The following RBM19 variants were observed in gnomAD, a reference collection of about 807,000 sequenced individuals.
The protein encoded by RBM19 is RNA binding motif protein 19.
Under a neutral mutation model 116.8 loss-of-function variants are expected in RBM19, and 94 were observed. That is an observed-to-expected ratio of 0.80 (90% CI 0.68 to 0.95). RBM19 has a LOEUF of 0.95. Among genes scored for constraint, RBM19 ranks in the 40% least tolerant of loss-of-function variants. The pLI, the probability that RBM19 is intolerant of heterozygous loss-of-function variation, is 0.00. For synonymous variants in RBM19, 475 were observed against 494.1 expected (o/e 0.96, Z 0.51); for missense variants, 1,161 against 1,220.7 (o/e 0.95, Z 0.73).
intron 21 of RBM19, among the ~76,000 whole-genome samples, chr12:113,872,849 C>T (rs1593515233): frequency 6.5e-5 from 7 of 106,942 alleles, no homozygotes; most frequent in African/African-American, 1.0e-4. Flanking sequence ...CCCCTCTGCC[C>T]GGCCAGCCGC....
intron 18 of RBM19, among the ~76,000 whole-genome samples, chr12:113,921,144 C>T (rs1471484500): frequency 6.6e-6 from 1 of 152,190 alleles, no homozygotes; most frequent in African/African-American, 2.4e-5. Context: ...ATTCAGTTTC[C>T]TGGGTTTCAG....
Position 113,927,239 on chromosome 12 carries a change from C to T in RBM19, c.2069-10G>A. The T allele has an allele frequency of 6.5e-7, 1 of 1,544,482 alleles. No individual in the cohort carries two copies. The highest frequency in any genetic ancestry group is 8.7e-7 in the Non-Finnish European group (1 of 1,145,566). On this transcript the variant is annotated splice_polypyrimidine_tract_variant and intron_variant, in intron 16 of 23. Transcript: ENST00000261741. ...GTTTCGCCATCAGGCACTGAACCCC[C>T]ATCAAAACAAAAACAAAAACAAAAA...
At position 113,963,826 on chromosome 12, in the gene RBM19, C is replaced by T. The variant is rs138914474; in HGVS notation, c.37-1412G>A. Among the ~76,000 whole-genome samples, 916 of 152,362 alleles carry T rather than the reference C, an allele frequency of 6.0e-3. 2 individuals are homozygous for T. Among genetic ancestry groups the T allele is most frequent in the Non-Finnish European group, 0.01 (709 of 68,038 alleles). On this transcript the variant is annotated intron_variant, in intron 1 of 23. Coordinates refer to ENST00000261741, the MANE Select transcript of RBM19 (RefSeq NM_016196.4). ...CCTGACCAACCTCTTCAGCACCACG[C>T]TTTGACAAATTTCTCACAGCCTTCT...
chr12:113,837,105 A>C (rs997605728), intron 23 of RBM19, among the ~76,000 whole-genome samples: 3 of 149,506 alleles, frequency 2.0e-5, no homozygotes, highest in African/African-American at 7.6e-5. Flanking sequence ...ATACATACAT[A>C]CATACACACA....
intron 20 of RBM19, 127 bp downstream of exon 20, chr12:113,918,265 G>A (rs1463500316): frequency 1.9e-5 from 17 of 909,214 alleles, no homozygotes; most frequent in Non-Finnish European, 2.8e-5. Flanking sequence ...ATTAGGAAGA[G>A]TCCTAAATGG....
intron 10 of RBM19, 83 bp downstream of exon 10, chr12:113,948,750 G>A: frequency 7.1e-7 from 1 of 1,404,882 alleles, no homozygotes; most frequent in Admixed American, 1.9e-5. Flanking sequence ...TGTGCACACT[G>A]GGACTTGAAC....
chr12:113,871,827 C>G (rs1466279488), intron 21 of RBM19, among the ~76,000 whole-genome samples: 11 of 152,106 alleles, frequency 7.2e-5, no homozygotes, highest in Non-Finnish European at 1.5e-4. Flanking sequence ...CGCCGGCGAG[C>G]GCCGCCCGGG....
rs149325690 is a variant in RBM19 at position 113,918,457 on chromosome 12, A to C, written c.2386-10T>G. On this transcript the variant is annotated splice_polypyrimidine_tract_variant and intron_variant, in intron 19 of 23. Coordinates refer to ENST00000261741, the MANE Select transcript of RBM19 (RefSeq NM_016196.4). ...CGTCCACGACGTGACCCTAAGAGAG[A>C]AGACAACATGGCTCATCTCTCTGTC... 102 of 1,613,926 alleles carry C rather than the reference A, an allele frequency of 6.3e-5. No individual in the cohort carries two copies. The highest frequency in any genetic ancestry group is 8.6e-5 in the Non-Finnish European group (101 of 1,179,890).
rs1365948756 is a variant in RBM19 at position 113,948,842 on chromosome 12, A to G, written c.1267T>C (p.Ser423Pro). ...STEEDLEKLFSKYGPLSELHY... is the reference protein window; with the variant it reads ...STEEDLEKLFPKYGPLSELHY... ...GAGGCCACACCCCTACCATATTTGG[A>G]GAAGAGCTTCTCCAGATCCTCCTCG... The change falls in exon 10 of 24, where the codon TCC becomes CCC. Residue 423 changes from serine to proline, a missense_variant. Coordinates refer to ENST00000261741, the MANE Select transcript of RBM19 (RefSeq NM_016196.4). 1 of 1,614,036 alleles carries G rather than the reference A, an allele frequency of 6.2e-7. No individual in the cohort carries two copies. The highest frequency in any genetic ancestry group is 8.5e-7 in the Non-Finnish European group (1 of 1,180,030).
intron 23 of RBM19, among the ~76,000 whole-genome samples, chr12:113,837,911 G>C (rs931125557): frequency 6.6e-6 from 1 of 152,166 alleles, no homozygotes; most frequent in African/African-American, 2.4e-5. Flanking sequence ...CATTAGCCTT[G>C]GATGTAAACA....
In RBM19 at chr12:113,910,384, T is replaced by C. The variant is rs762668474; in HGVS notation, c.2558+4585A>G. On this transcript the variant is annotated intron_variant, in intron 21 of 23. Coordinates refer to ENST00000261741, the MANE Select transcript of RBM19 (RefSeq NM_016196.4). ...ACTGGTTCACAGGCAGAACTGGCTATATAGTTGGCAGGGCCTGGCGCAAAA... is the reference window on the plus strand; with the variant it reads ...ACTGGTTCACAGGCAGAACTGGCTACATAGTTGGCAGGGCCTGGCGCAAAA... Among the ~76,000 whole-genome samples the C allele has an allele frequency of 6.6e-5, 10 of 152,210 alleles. No individual in the cohort carries two copies. In the South Asian group the frequency reaches 8.3e-4, roughly 13 times the overall value.
At chr12:113,869,516 C>T (rs1879064655) in intron 21 of RBM19, among the ~76,000 whole-genome samples, 1 of 152,194 alleles carries the variant, frequency 6.6e-6, no homozygotes, top group Non-Finnish European at 1.5e-5. Context: ...ATGCTCTCCC[C>T]CACTTTCTCC....
At chr12:113,875,834 T>C (rs779167550) in intron 21 of RBM19, among the ~76,000 whole-genome samples, 3 of 152,208 alleles carry the variant, frequency 2.0e-5, no homozygotes, top group Non-Finnish European at 4.4e-5. Flanking sequence ...GCCCAGGATG[T>C]GCTTCATCTC....
intron 4 of RBM19, 22 bp from the exon 5 acceptor site, chr12:113,959,426 C>T (rs186114773): frequency 9.2e-5 from 146 of 1,590,548 alleles, no homozygotes; most frequent in Non-Finnish European, 1.1e-4. Context: ...AGAACCCGGG[C>T]GGCAGGGACA....
At position 113,955,170 on chromosome 12, in the gene RBM19, G is replaced by A. The variant is rs1279545044; in HGVS notation, c.882C>T (p.His294=). Residue 294 remains histidine, a synonymous_variant, in exon 7 of 24, where the codon CAC becomes CAT. Coordinates refer to ENST00000261741, the MANE Select transcript of RBM19 (RefSeq NM_016196.4). The part of the protein sequence containing the change: ...PANQKEPTTC[H]TVKLRGAPFN... ...ACGGGGCTCCCCGCAGCTTCACGGTGTGGCAGGTGGTGGGTTCCTTCTGGT... is the reference window on the plus strand; with the variant it reads ...ACGGGGCTCCCCGCAGCTTCACGGTATGGCAGGTGGTGGGTTCCTTCTGGT... 2 of 1,614,198 alleles carry A rather than the reference G, an allele frequency of 1.2e-6. No individual in the cohort carries two copies. Among genetic ancestry groups the A allele is most frequent in the African/African-American group, 1.3e-5 (1 of 75,064 alleles).
At chr12:113,828,183 C>T (rs557534934) in intron 23 of RBM19, among the ~76,000 whole-genome samples, 1 of 150,930 alleles carries the variant, frequency 6.6e-6, no homozygotes, top group East Asian at 2.0e-4. Flanking sequence ...TCTGGATTTG[C>T]TGACATGATT....
rs1219161892 is a variant in RBM19, at chr12:113,897,468, G to A, written c.2558+17501C>T. Among the ~76,000 whole-genome samples, 4 of 152,204 alleles carry A rather than the reference G, an allele frequency of 2.6e-5. No homozygotes were observed. In the East Asian group the frequency reaches 7.7e-4, roughly 29 times the overall value. On this transcript the variant is annotated intron_variant, in intron 21 of 23. Coordinates refer to ENST00000261741, the MANE Select transcript of RBM19 (RefSeq NM_016196.4). ...GGTGTGAGTCATGGCACCCGGCCCA[G>A]AGTGTTTAAATGACTTGTCCAAGTG...
At chr12:113,848,733 C>T (rs1305988444) in intron 22 of RBM19, among the ~76,000 whole-genome samples, 12 of 152,162 alleles carry the variant, frequency 7.9e-5, no homozygotes, top group Non-Finnish European at 1.8e-4. Flanking sequence ...ACTTGACCTC[C>T]ACCTTCTCCC....
intron 21 of RBM19, among the ~76,000 whole-genome samples, chr12:113,906,688 C>T (rs1272454833): frequency 6.6e-6 from 1 of 152,008 alleles, no homozygotes; most frequent in African/African-American, 2.4e-5. Flanking sequence ...TGCACGTGCT[C>T]ACTCCTTCAC....
Sources: gnomAD v4.1 joint callset for allele counts (sites outside exome capture counted in the v4.1 genomes callset) on GRCh38, gnomAD v4.1.1 for gene constraint, MANE v1.5 for transcripts, NCBI Gene and HGNC (gene_info 2026-07-23, HGNC 2026-07-21) for gene names.